MAS1: variants seen among roughly 807,000 people sequenced by gnomAD.
MAS1 encodes the protein proto-oncogene Mas.
For synonymous variants in MAS1, 163 were observed against 164.2 expected (o/e 0.99, Z 0.05); for missense variants, 387 against 409.7 (o/e 0.94, Z 0.48).
chr6:159,911,327 C>CTTTT lies in MAS1; in HGVS notation c.*3394_*3395insTTTT, dbSNP rs1782961754. 2.8e-5 allele frequency: 4 copies of CTTTT among 141,464 alleles called. No homozygotes were observed. The highest frequency in any genetic ancestry group is 6.1e-5 in the Non-Finnish European group (4 of 65,824). 8.8% of individuals were successfully genotyped at this position (141,464 alleles called of 1,614,324 possible). A position where few individuals can be genotyped will look rare whatever the true frequency, so the allele number is the denominator to read the frequency against. ...TTTCTTTTTTCTTTTCTTTTCTTTT[C>CTTTT]CTTTTTTTTTTTTTTTTTTTTTTTT... On this transcript the variant is annotated 3_prime_UTR_variant, in exon 3 of 3. Coordinates refer to ENST00000674077, the MANE Select transcript of MAS1 (RefSeq NM_002377.4).
Position 159,910,267 on chromosome 6 carries a change from G to A in MAS1, c.*2334G>A, listed in dbSNP as rs780347216. On this transcript the variant is annotated 3_prime_UTR_variant, in exon 3 of 3. Transcript: ENST00000674077. ...CCTTCTCTGCAGAACACCATGATGT[G>A]GACAAGGCAAAGACGGGGAAGCGGA... 4 of 152,196 alleles carry A rather than the reference G, an allele frequency of 2.6e-5. No individual in the cohort carries two copies. The highest frequency in any genetic ancestry group is 4.8e-5 in the African/African-American group (2 of 41,450). 9.4% of individuals were successfully genotyped at this position (152,196 alleles called of 1,614,324 possible). A position where few individuals can be genotyped will look rare whatever the true frequency, so the allele number is the denominator to read the frequency against.
rs1020914298 is a variant in MAS1, at chr6:159,916,725, T to C, written c.*8792T>C. 2.6e-5 allele frequency among the ~76,000 whole-genome samples: 4 copies of C among 152,204 alleles called. No homozygotes were observed. The highest frequency in any genetic ancestry group is 5.9e-5 in the Non-Finnish European group (4 of 68,036). On this transcript the variant is annotated 3_prime_UTR_variant, in exon 3 of 3. Coordinates refer to ENST00000674077, the MANE Select transcript of MAS1 (RefSeq NM_002377.4). ...CCAATTCAACAACCCACCTCAAACC[T>C]GTATTTGCAAGTGAGTGCAGACTCC...
Position 159,908,161 on chromosome 6 carries a change from G to A in MAS1, c.*228G>A, listed in dbSNP as rs1583215744. On this transcript the variant is annotated 3_prime_UTR_variant, in exon 3 of 3. Coordinates refer to ENST00000674077, the MANE Select transcript of MAS1 (RefSeq NM_002377.4). Reference sequence around the variant, plus strand: ...TCTATTTCTTTCAGCTCTTTTGGCAGCATCTTACCATGAACCATAAAAATG... The same window carrying A: ...TCTATTTCTTTCAGCTCTTTTGGCAACATCTTACCATGAACCATAAAAATG... The A allele has an allele frequency of 2.4e-6, 1 of 418,670 alleles. No individual in the cohort carries two copies. Among genetic ancestry groups the A allele is most frequent in the Non-Finnish European group, 4.2e-6 (1 of 240,818 alleles). The allele number at this position is 418,670 out of a possible 1,614,324, so 25.9% of individuals were successfully genotyped here. A position where few individuals can be genotyped will look rare whatever the true frequency, so the allele number is the denominator to read the frequency against.
At chr6:159,898,113 A>G (rs111328134) in intron 1 of MAS1, among the ~76,000 whole-genome samples, 3,528 of 151,990 alleles carry the variant, frequency 0.023, 132 homozygotes, top group African/African-American at 0.08. Flanking sequence ...GCTGGTCTTG[A>G]ACTCCTGACC....
rs141410124 is a variant in MAS1, at chr6:159,907,012, T to C, written c.57T>C (p.Thr19=). 7 of 1,612,984 alleles carry C rather than the reference T, an allele frequency of 4.3e-6. No individual in the cohort carries two copies. Among genetic ancestry groups the C allele is most frequent in the East Asian group, 2.2e-5 (1 of 44,848 alleles). The part of the protein sequence containing the change: ...FVVEEPTNIS[T]GRNASVGNAH... ...TTGAGGAACCCACGAACATCTCAAC[T>C]GGCAGGAACGCCTCAGTCGGGAATG... The change falls in exon 3 of 3, where the codon ACT becomes ACC. Residue 19 remains threonine (T), a synonymous_variant. Coordinates refer to ENST00000674077, the MANE Select transcript of MAS1 (RefSeq NM_002377.4).
intron 2 of MAS1, among the ~76,000 whole-genome samples, chr6:159,899,677 T>C (rs1240790067): frequency 6.6e-6 from 1 of 152,190 alleles, no homozygotes; most frequent in Non-Finnish European, 1.5e-5. Context: ...AAGTCAAGGC[T>C]GCAGTGAGCT....
upstream of MAS1, among the ~76,000 whole-genome samples, chr6:159,890,361 TC>T (rs1367684492): frequency 6.6e-6 from 1 of 152,144 alleles, no homozygotes; most frequent in Non-Finnish European, 1.5e-5. Flanking sequence ...AAACAGCTAC[TC>T]CCAGGAGGAG....
rs974411003 is a variant in MAS1, at chr6:159,915,277, A to G, written c.*7344A>G. 2.6e-5 allele frequency: 4 copies of G among 152,220 alleles called. No individual in the cohort carries two copies. The highest frequency in any genetic ancestry group is 4.4e-5 in the Non-Finnish European group (3 of 68,054). The allele number at this position is 152,220 out of a possible 1,614,324, so 9.4% of individuals were successfully genotyped here. Reference sequence around the variant, plus strand: ...GCACGTTGTTCATTACACAAGTAGAATATACTTATGTGACTACCCGTACCC... The same window carrying G: ...GCACGTTGTTCATTACACAAGTAGAGTATACTTATGTGACTACCCGTACCC... On this transcript the variant is annotated 3_prime_UTR_variant, in exon 3 of 3. Coordinates refer to ENST00000674077, the MANE Select transcript of MAS1 (RefSeq NM_002377.4).
rs992309323 is a variant in MAS1 at position 159,914,910 on chromosome 6, A to G, written c.*6977A>G. On this transcript the variant is annotated 3_prime_UTR_variant, in exon 3 of 3. Coordinates refer to ENST00000674077, the MANE Select transcript of MAS1 (RefSeq NM_002377.4). ...CTAGAGACATTCTCTGAGTGACACT[A>G]TGCCAGCTGGGAGTGGTGGCACAGT... 1 of 152,234 alleles carries G rather than the reference A, an allele frequency of 6.6e-6. No individual in the cohort carries two copies. The highest frequency in any genetic ancestry group is 2.4e-5 in the African/African-American group (1 of 41,464). 9.4% of individuals were successfully genotyped at this position (152,234 alleles called of 1,614,324 possible).
rs1321325711 is a variant in MAS1, at chr6:159,907,140, G to T, written c.185G>T (p.Arg62Ile). The change falls in exon 3 of 3, where the codon AGA (arginine) becomes ATA (isoleucine). Residue 62 changes from arginine to isoleucine, a missense_variant. Physicochemically the swap from Arg to Ile is moderately conservative, Grantham distance 97. Coordinates refer to ENST00000674077, the MANE Select transcript of MAS1 (RefSeq NM_002377.4). The stretch of plus-strand genomic sequence containing the variant: ...CTCTGGTTCCTGTGCTTCCGGATGA[G>T]AAGAAATCCCTTCACTGTCTACATC... ...ILLWFLCFRM[R>I]RNPFTVYITH... 5.6e-6 allele frequency: 9 copies of T among 1,614,086 alleles called. No individual in the cohort carries two copies. Among genetic ancestry groups the T allele is most frequent in the Non-Finnish European group, 7.6e-6 (9 of 1,180,044 alleles).
At position 159,907,617 on chromosome 6, in the gene MAS1, C is replaced by T. The variant is rs1782909959; in HGVS notation, c.662C>T (p.Ser221Phe). The T allele has an allele frequency of 1.2e-6, 2 of 1,613,702 alleles. No individual in the cohort carries two copies. The highest frequency in any genetic ancestry group is 1.7e-6 in the Non-Finnish European group (2 of 1,179,914). Residue 221 changes from serine to phenylalanine, a missense_variant, in exon 3 of 3, where the codon TCC (serine) becomes TTC (phenylalanine). Transcript: ENST00000674077. ...AAGATCCGGAAGAACACGTGGGCTT[C>T]CCATTCCTCCAAGCTTTACATAGTC... ...VVKIRKNTWA[S>F]HSSKLYIVIM...
At position 159,914,777 on chromosome 6, in the gene MAS1, G is replaced by A. The variant is rs1783001977; in HGVS notation, c.*6844G>A. 1 of 152,292 alleles carries A rather than the reference G, an allele frequency of 6.6e-6. No homozygotes were observed. The highest frequency in any genetic ancestry group is 6.5e-5 in the Admixed American group (1 of 15,288). 9.4% of individuals were successfully genotyped at this position (152,292 alleles called of 1,614,324 possible). A position where few individuals can be genotyped will look rare whatever the true frequency, so the allele number is the denominator to read the frequency against. On this transcript the variant is annotated 3_prime_UTR_variant, in exon 3 of 3. Transcript: ENST00000674077. ...TTCAGCTATCCTGGCATTCCCAGTG[G>A]TTCCTGTGGGACGGGGCCAGAGTGG...
rs1783000310 is a variant in MAS1 at position 159,914,616 on chromosome 6, G to T, written c.*6683G>T. On this transcript the variant is annotated 3_prime_UTR_variant, in exon 3 of 3. Transcript: ENST00000674077. ...TAGGCTCGTGGAAAATGCAGCCAGG[G>T]ATTTGGACCTCCCTGTGGATTGTGC... The T allele has an allele frequency of 1.3e-5, 2 of 152,264 alleles. No individual in the cohort carries two copies. The highest frequency in any genetic ancestry group is 1.9e-4 in the East Asian group (1 of 5,198). 9.4% of individuals were successfully genotyped at this position (152,264 alleles called of 1,614,324 possible).
chr6:159,899,148 C>T lies in MAS1; in HGVS notation c.-243-38C>T, dbSNP rs550394226. On this transcript the variant is annotated intron_variant, in intron 1 of 2. Transcript: ENST00000674077. The stretch of plus-strand genomic sequence containing the variant: ...CTTTGGCCCCAAGAGCCCCACACTG[C>T]GATATTCTCACAGTCTAACTTATTT... The T allele has an allele frequency of 7.9e-5, 12 of 152,376 alleles. No individual in the cohort carries two copies. In the East Asian group the frequency reaches 1.7e-3, roughly 22 times the overall value. 9.4% of individuals were successfully genotyped at this position (152,376 alleles called of 1,614,324 possible).
chr6:159,903,123 G>A (rs530125370), intron 2 of MAS1, among the ~76,000 whole-genome samples: 7 of 151,898 alleles, frequency 4.6e-5, no homozygotes, highest in Admixed American at 3.3e-4. Flanking sequence ...CCTTTAGTAC[G>A]GGGACTTCAA....
intron 2 of MAS1, chr6:159,902,152 A>G (rs1782829919): frequency 6.6e-6 from 1 of 152,184 alleles, no homozygotes; most frequent in African/African-American, 2.4e-5. Flanking sequence ...GATGTGGTCC[A>G]TGAGAGATCC....
chr6:159,901,396 G>A (rs767264814), intron 2 of MAS1, among the ~76,000 whole-genome samples: 1 of 152,172 alleles, frequency 6.6e-6, no homozygotes, highest in Non-Finnish European at 1.5e-5. Context: ...GGGATTGCTT[G>A]AGGTCAGGAG....
In MAS1 at chr6:159,900,417, G is replaced by C. The variant is rs1394630167; in HGVS notation, c.-37+1025G>C. Among the ~76,000 whole-genome samples, 5 of 152,176 alleles carry C rather than the reference G, an allele frequency of 3.3e-5. No individual in the cohort carries two copies. In the East Asian group the frequency reaches 9.6e-4, roughly 29 times the overall value. ...AAAGGGCTAGGGTGACGAGCACGTA[G>C]GGCCGGCTGTTGTCAAGGCATTTCT... On this transcript the variant is annotated intron_variant, in intron 2 of 2. Coordinates refer to ENST00000674077, the MANE Select transcript of MAS1 (RefSeq NM_002377.4).
In MAS1 at chr6:159,916,139, GT is replaced by G. The variant is rs1285529499; in HGVS notation, c.*8207del. 6.6e-6 allele frequency: 1 copy of G among 152,286 alleles called. No homozygotes were observed. The highest frequency in any genetic ancestry group is 1.5e-5 in the Non-Finnish European group (1 of 68,054). The allele number at this position is 152,286 out of a possible 1,614,324, so 9.4% of individuals were successfully genotyped here. ...CTACCCCACGAAGTAGCTGTGCCAA[GT>G]AAGTGAAATAATGCACAAGGAAATT... On this transcript the variant is annotated 3_prime_UTR_variant, in exon 3 of 3. Transcript: ENST00000674077.
Sources: allele counts gnomAD v4.1 joint callset (sites outside exome capture counted in the v4.1 genomes callset), GRCh38; gene constraint gnomAD v4.1.1; transcripts MANE v1.5; gene names NCBI Gene and HGNC (gene_info 2026-07-23, HGNC 2026-07-21).